Variants in CASZ1 observed in about 807,000 individuals in gnomAD.
CASZ1 encodes the protein castor zinc finger 1.
A neutral mutation model predicts 135.2 loss-of-function variants in CASZ1; 28 were observed. The observed-to-expected ratio is 0.21, with a 90% CI of 0.15 to 0.28. CASZ1 has a LOEUF of 0.28. CASZ1 is among the 10% of genes least tolerant of loss of function. The probability of loss-of-function intolerance (pLI) is 1.00; values close to 1 mark genes in which losing one functional copy is unlikely to be tolerated. For synonymous variants in CASZ1, 1,068 were observed against 1,073.4 expected (o/e 0.99, Z 0.10); for missense variants, 2,161 against 2,453.3 (o/e 0.88, Z 2.52).
Position 10,706,844 on chromosome 1 carries a change from G to C in CASZ1, c.-76-1300C>G, listed in dbSNP as rs1228216357. On this transcript the variant is annotated intron_variant, in intron 2 of 20. Transcript: ENST00000377022. The surrounding 1 kb of genome is among the most constrained non-coding windows in gnomAD (Gnocchi z 4.3). ...GATGCCCATCTCATCCAGATGATGA[G>C]AGGCGGGGGGGTCTGCAGAGAGCTG... is the stretch of plus-strand genomic sequence containing the variant. 6.6e-6 allele frequency among the ~76,000 whole-genome samples: 1 copy of C among 152,066 alleles called. No homozygotes were observed. Among genetic ancestry groups the C allele is most frequent in the Non-Finnish European group, 1.5e-5 (1 of 67,976 alleles).
chr1:10,744,032 A>G (rs2100539391), intron 2 of CASZ1, among the ~76,000 whole-genome samples: 1 of 152,156 alleles, frequency 6.6e-6, no homozygotes, highest in East Asian at 1.9e-4. Flanking sequence ...TTGGCATACC[A>G]CCTAATCAGT....
At position 10,699,392 on chromosome 1, in the gene CASZ1, CTCTAAAAGGTGCTCTCAG is replaced by C. The variant is rs1639012555; in HGVS notation, c.-23-5498_-23-5481del. Among the ~76,000 whole-genome samples the C allele has an allele frequency of 3.3e-5, 5 of 152,226 alleles. No individual in the cohort carries two copies. Among genetic ancestry groups the C allele is most frequent in the African/African-American group, 1.2e-4 (5 of 41,454 alleles). On this transcript the variant is annotated intron_variant, in intron 3 of 20. Coordinates refer to ENST00000377022, the MANE Select transcript of CASZ1 (RefSeq NM_001079843.3). This position sits in a 1 kb window ranked among gnomAD's most constrained non-coding sequence, Gnocchi z 4.6. ...CAACCCCCACATCCCACTTACCCTG[CTCTAAAAGGTGCTCTCAG>C]AGTCAGTAGAGCCTGGGGATGTGGC...
At chr1:10,772,878 C>T (rs759828203) in intron 1 of CASZ1, among the ~76,000 whole-genome samples, 3 of 152,164 alleles carry the variant, frequency 2.0e-5, no homozygotes, top group Non-Finnish European at 2.9e-5. Flanking sequence ...TCCTCCCCCT[C>T]GCCTCTGACT....
chr1:10,714,076 G>A (rs1639333668), intron 2 of CASZ1, among the ~76,000 whole-genome samples: 1 of 152,212 alleles, frequency 6.6e-6, no homozygotes. Flanking sequence ...GGAGGCTGAG[G>A]CAGGTGGATC....
rs377405161 is a variant in CASZ1 at position 10,639,707 on chromosome 1, G to C, written c.4515C>G (p.Asp1505Glu). The part of the protein sequence containing the change: ...FKASLSCHFA[D>E]CPFSGTSTHF... ...GCGTGCTGGTGCCCGAGAAGGGGCA[G>C]TCGGCGAAGTGGCAGCTGAGTGAGG... is the stretch of plus-strand genomic sequence containing the variant. The change falls in exon 21 of 21, where the codon GAC becomes GAG. Residue 1505 changes from aspartate to glutamate, a missense_variant. Physicochemically the swap from Asp to Glu is conservative, Grantham distance 45 (BLOSUM62 2). Around this residue, in one of 7 missense-constraint regions of CASZ1, gnomAD observed 240 missense variants for 321.4 expected, o/e 0.75. Transcript: ENST00000377022. This position sits in a 1 kb window ranked among gnomAD's most constrained non-coding sequence, Gnocchi z 4.0. 4.3e-5 allele frequency: 69 copies of C among 1,594,254 alleles called. No individual in the cohort carries two copies. The highest frequency in any genetic ancestry group is 5.6e-5 in the Non-Finnish European group (66 of 1,171,552).
At position 10,697,735 on chromosome 1, in the gene CASZ1, CA is replaced by C. The variant is rs1232795541; in HGVS notation, c.-23-3824del. ...TTTGTAACTTTCACATAAACTTGAA[CA>C]AAGCTCCTTTTGTTATTGCACCCCA... On this transcript the variant is annotated intron_variant, in intron 3 of 20. Transcript: ENST00000377022. The surrounding 1 kb of genome is among the most constrained non-coding windows in gnomAD (Gnocchi z 4.7). 6.6e-6 allele frequency among the ~76,000 whole-genome samples: 1 copy of C among 152,212 alleles called. No homozygotes were observed. The highest frequency in any genetic ancestry group is 1.5e-5 in the Non-Finnish European group (1 of 68,038).
Position 10,767,641 on chromosome 1 carries a change from C to G in CASZ1, c.-233-6784G>C, listed in dbSNP as rs1050123941. Among the ~76,000 whole-genome samples, 1 of 152,192 alleles carries G rather than the reference C, an allele frequency of 6.6e-6. No individual in the cohort carries two copies. Among genetic ancestry groups the G allele is most frequent in the African/African-American group, 2.4e-5 (1 of 41,452 alleles). ...CCAAAGTCATTCAGATATTTCCTCT[C>G]TCACTTGCTTTTTAAAAAAAATTTA... is the stretch of plus-strand genomic sequence containing the variant. On this transcript the variant is annotated intron_variant, in intron 1 of 20. Transcript: ENST00000377022. The surrounding 1 kb of genome is among the most constrained non-coding windows in gnomAD (Gnocchi z 4.2).
Position 10,706,915 on chromosome 1 carries a change from G to T in CASZ1, c.-76-1371C>A, listed in dbSNP as rs1448633260. Among the ~76,000 whole-genome samples, 1 of 151,746 alleles carries T rather than the reference G, an allele frequency of 6.6e-6. No individual in the cohort carries two copies. The highest frequency in any genetic ancestry group is 1.5e-5 in the Non-Finnish European group (1 of 67,906). Reference sequence around the variant, plus strand: ...GGCGGTAGAGAGGATGGGGGGCTGTGTAAAGGGGGAATAAGGAAAAGAGAA... The same window carrying T: ...GGCGGTAGAGAGGATGGGGGGCTGTTTAAAGGGGGAATAAGGAAAAGAGAA... On this transcript the variant is annotated intron_variant, in intron 2 of 20. Coordinates refer to ENST00000377022, the MANE Select transcript of CASZ1 (RefSeq NM_001079843.3). The surrounding 1 kb of genome is among the most constrained non-coding windows in gnomAD (Gnocchi z 4.3).
At position 10,639,062 on chromosome 1, in the gene CASZ1, C is replaced by T; in HGVS notation, c.5160G>A (p.Glu1720=). ...CCGCCGCCGCCTCGGGCAGCGACTC[C>T]TCCGAGTCGGTGCGCAGGTCCTCGT... is the stretch of plus-strand genomic sequence containing the variant. The part of the protein sequence containing the change: ...DDDEDLRTDS[E]ESLPEAAAEA... The change falls in exon 21 of 21, where the codon GAG becomes GAA. Residue 1720 remains glutamate (E), a synonymous_variant. Coordinates refer to ENST00000377022, the MANE Select transcript of CASZ1 (RefSeq NM_001079843.3). This position sits in a 1 kb window ranked among gnomAD's most constrained non-coding sequence, Gnocchi z 4.0. 1 of 1,117,488 alleles carries T rather than the reference C, an allele frequency of 8.9e-7. No homozygotes were observed. The highest frequency in any genetic ancestry group is 1.1e-6 in the Non-Finnish European group (1 of 894,276). 69.2% of individuals were successfully genotyped at this position (1,117,488 alleles called of 1,614,324 possible).
In CASZ1 at chr1:10,650,923, T is replaced by C. The variant is rs200185189; in HGVS notation, c.2816+18A>G. ...GTGTGGTTCCCGGGGCTGGCTCCCA[T>C]AGGGGGCCTCGCCTCACCTGGGCTC... On this transcript the variant is annotated intron_variant, in intron 12 of 20. Coordinates refer to ENST00000377022, the MANE Select transcript of CASZ1 (RefSeq NM_001079843.3). 31 of 1,606,586 alleles carry C rather than the reference T, an allele frequency of 1.9e-5. No homozygotes were observed. Among genetic ancestry groups the C allele is most frequent in the Admixed American group, 1.9e-4 (11 of 58,110 alleles).
chr1:10,795,629 C>T (rs1641051761), intron 1 of CASZ1, among the ~76,000 whole-genome samples: 1 of 152,234 alleles, frequency 6.6e-6, no homozygotes, highest in Non-Finnish European at 1.5e-5. Context: ...AGGCGGGCTC[C>T]AGCCGACAGC....
rs994171452 is a variant in CASZ1 at position 10,794,070 on chromosome 1, C to T, written c.-234+2494G>A. On this transcript the variant is annotated intron_variant, in intron 1 of 20. Transcript: ENST00000377022. This position sits in a 1 kb window ranked among gnomAD's most constrained non-coding sequence, Gnocchi z 5.6. ...GGCTCAGCCCCCGGGGAACAACTAC[C>T]CCCCTCCCCATGCCCGGCGCAGCTG... is the stretch of plus-strand genomic sequence containing the variant. Among the ~76,000 whole-genome samples the T allele has an allele frequency of 2.4e-4, 36 of 152,280 alleles. No homozygotes were observed. Among genetic ancestry groups the T allele is most frequent in the African/African-American group, 7.9e-4 (33 of 41,566 alleles).
At chr1:10,665,981 C>T (rs535560468) in intron 4 of CASZ1, among the ~76,000 whole-genome samples, 2 of 152,148 alleles carry the variant, frequency 1.3e-5, no homozygotes, top group African/African-American at 2.4e-5. Context: ...GCCGGCTATG[C>T]GGTCAGGCTG....
intron 4 of CASZ1, among the ~76,000 whole-genome samples, chr1:10,680,855 C>A (rs1423275657): frequency 2.0e-5 from 3 of 152,236 alleles, no homozygotes; most frequent in African/African-American, 7.2e-5. Context: ...CCGGGTGTTC[C>A]CCCTCCCACT....
chr1:10,785,958 G>A (rs899297942), intron 1 of CASZ1, among the ~76,000 whole-genome samples: 1 of 152,226 alleles, frequency 6.6e-6, no homozygotes, highest in African/African-American at 2.4e-5. Context: ...CGGAAACAAA[G>A]GCTTCGAGGA....
chr1:10,692,734 C>T (rs1220283028), intron 4 of CASZ1, among the ~76,000 whole-genome samples: 1 of 152,210 alleles, frequency 6.6e-6, no homozygotes, highest in East Asian at 1.9e-4. Flanking sequence ...AGGGCTGCCT[C>T]CGGTCTCTCT....
At chr1:10,771,815 C>T (rs912496642) in intron 1 of CASZ1, among the ~76,000 whole-genome samples, 3 of 152,164 alleles carry the variant, frequency 2.0e-5, no homozygotes, top group Non-Finnish European at 4.4e-5. Context: ...ATTGGGGATG[C>T]TGGCACCCAG....
At chr1:10,656,224 AG>A (rs572973186) in intron 8 of CASZ1, among the ~76,000 whole-genome samples, 304 of 152,298 alleles carry the variant, frequency 2.0e-3, no homozygotes, top group African/African-American at 7.0e-3. Flanking sequence ...CCCACTCACC[AG>A]CCCCGCGCTC....
At chr1:10,681,806 G>A (rs932759650) in intron 4 of CASZ1, among the ~76,000 whole-genome samples, 2 of 152,224 alleles carry the variant, frequency 1.3e-5, no homozygotes, top group African/African-American at 4.8e-5. Flanking sequence ...CTTTCCTGGA[G>A]GGGTGGGGTG....
Sources: allele counts gnomAD v4.1 joint callset (sites outside exome capture counted in the v4.1 genomes callset), GRCh38; gene constraint gnomAD v4.1.1; regional missense constraint gnomAD v4.1.1; non-coding constraint Gnocchi (gnomAD v3.1); transcripts MANE v1.5; gene names NCBI Gene and HGNC (gene_info 2026-07-23, HGNC 2026-07-21).